HS3ST2: variants seen among roughly 807,000 people sequenced by gnomAD.
HS3ST2 encodes heparan sulfate-glucosamine 3-sulfotransferase 2.
A neutral mutation model predicts 26.3 loss-of-function variants in HS3ST2; 17 were observed. The ratio of observed to expected loss-of-function variants is 0.65; its 90% CI spans 0.44 to 0.97. HS3ST2 has a LOEUF of 0.97. Among genes scored for constraint, HS3ST2 ranks in the 50% least tolerant of loss-of-function variants. The pLI, the probability that HS3ST2 is intolerant of heterozygous loss-of-function variation, is 0.00. For synonymous variants in HS3ST2, 237 were observed against 219.2 expected (o/e 1.08, Z -0.72); for missense variants, 402 against 501.2 (o/e 0.80, Z 1.89).
Position 22,914,763 on chromosome 16 carries a change from A to AAAAAAAAG in HS3ST2, c.486-180_486-179insAAAAAAGA, listed in dbSNP as rs1489223344. 9.1e-3 allele frequency among the ~76,000 whole-genome samples: 1,084 copies of AAAAAAAAG among 118,758 alleles called. 109 individuals carry two copies. Among genetic ancestry groups the AAAAAAAAG allele is most frequent in the Middle Eastern group, 0.022 (5 of 230 alleles). 77.9% of individuals were successfully genotyped at this position (118,758 alleles called of 152,430 possible). A position where few individuals can be genotyped will look rare whatever the true frequency, so the allele number is the denominator to read the frequency against. On this transcript the variant is annotated intron_variant, in intron 1 of 1. Transcript: ENST00000261374. ...AAAAAAAAAAAAAAAAAAAAAAAAA[A>AAAAAAAAG]AGAGAAGAAAAGAAAATCAACAAGA...
In HS3ST2 at chr16:22,816,349, G is replaced by A. The variant is rs148193684; in HGVS notation, c.485+1254G>A. Reference sequence around the variant, plus strand: ...AGAGGTCATATGCATATTGGACAAGGGACAACTTTGTTAGAAAGAGGACCC... The same window carrying A: ...AGAGGTCATATGCATATTGGACAAGAGACAACTTTGTTAGAAAGAGGACCC... On this transcript the variant is annotated intron_variant, in intron 1 of 1. Coordinates refer to ENST00000261374, the MANE Select transcript of HS3ST2 (RefSeq NM_006043.2). Among the ~76,000 whole-genome samples, 671 of 152,286 alleles carry A rather than the reference G, an allele frequency of 4.4e-3. 7 individuals are homozygous for A. The highest frequency in any genetic ancestry group is 3.8e-3 in the Non-Finnish European group (259 of 68,036).
chr16:22,871,929 G>A (rs1901844890), intron 1 of HS3ST2, among the ~76,000 whole-genome samples: 1 of 152,208 alleles, frequency 6.6e-6, no homozygotes, highest in Non-Finnish European at 1.5e-5. Flanking sequence ...AACAGACTTG[G>A]AATAGCCCTG....
chr16:22,818,176 T>C (rs1900903419), intron 1 of HS3ST2, among the ~76,000 whole-genome samples: 1 of 152,176 alleles, frequency 6.6e-6, no homozygotes, highest in Non-Finnish European at 1.5e-5. Flanking sequence ...AGGTAAGAGC[T>C]GCAGGGTGGT....
At chr16:22,903,862 C>A (rs1208861991) in intron 1 of HS3ST2, among the ~76,000 whole-genome samples, 1 of 152,174 alleles carries the variant, frequency 6.6e-6, no homozygotes, top group African/African-American at 2.4e-5. Context: ...GACAGCATTA[C>A]CCTTTCTTCT....
chr16:22,828,147 G>A (rs1019933912), intron 1 of HS3ST2, among the ~76,000 whole-genome samples: 3 of 152,126 alleles, frequency 2.0e-5, no homozygotes, highest in African/African-American at 7.2e-5. Flanking sequence ...ACTAACCAAA[G>A]AAAAGAACAT....
At chr16:22,911,152 T>G (rs1353286610) in intron 1 of HS3ST2, among the ~76,000 whole-genome samples, 3 of 152,134 alleles carry the variant, frequency 2.0e-5, no homozygotes, top group African/African-American at 7.2e-5. Context: ...AAGGATATAT[T>G]TGTAAGTGAC....
At position 22,835,130 on chromosome 16, in the gene HS3ST2, A is replaced by G. The variant is rs1005996086; in HGVS notation, c.485+20035A>G. 4.0e-5 allele frequency among the ~76,000 whole-genome samples: 6 copies of G among 151,858 alleles called. No individual in the cohort carries two copies. The South Asian group carries it at 1.2e-3, about 32-fold the overall frequency. ...TTCAGTAAGAAAGTCTTAATTTTTT[A>G]TGTATTCGATTATCAACATATTTGA... On this transcript the variant is annotated intron_variant, in intron 1 of 1. Transcript: ENST00000261374.
At chr16:22,895,488 T>G (rs1301613240) in intron 1 of HS3ST2, among the ~76,000 whole-genome samples, 1 of 152,206 alleles carries the variant, frequency 6.6e-6, no homozygotes, top group Non-Finnish European at 1.5e-5. Context: ...TAGAATCCTA[T>G]CTCTAGCTTT....
chr16:22,895,437 C>A (rs1250855374), intron 1 of HS3ST2, among the ~76,000 whole-genome samples: 1 of 152,110 alleles, frequency 6.6e-6, no homozygotes, highest in South Asian at 2.1e-4. Context: ...TTCTACTTTC[C>A]GTGGAATTTC....
At chr16:22,857,999 AC>A (rs1412157467) in intron 1 of HS3ST2, among the ~76,000 whole-genome samples, 1 of 151,958 alleles carries the variant, frequency 6.6e-6, no homozygotes, top group Admixed American at 6.6e-5. Flanking sequence ...CACTTTACCA[AC>A]CTTCACTGAT....
intron 1 of HS3ST2, among the ~76,000 whole-genome samples, chr16:22,890,487 A>G (rs1902113445): frequency 6.6e-6 from 1 of 152,216 alleles, no homozygotes; most frequent in Non-Finnish European, 1.5e-5. Context: ...AAGAGATCCC[A>G]GTTATATACA....
chr16:22,880,874 G>A (rs756365059), intron 1 of HS3ST2, among the ~76,000 whole-genome samples: 1 of 152,328 alleles, frequency 6.6e-6, no homozygotes, highest in South Asian at 2.1e-4. Flanking sequence ...TCACCTGAAG[G>A]GAGAAATCTG....
At chr16:22,908,990 G>A (rs116728668) in intron 1 of HS3ST2, among the ~76,000 whole-genome samples, 2,760 of 152,258 alleles carry the variant, frequency 0.018, 85 homozygotes, top group African/African-American at 0.063. Flanking sequence ...CAGAAGAAAG[G>A]GGAAGAGCCA....
intron 1 of HS3ST2, among the ~76,000 whole-genome samples, chr16:22,820,813 A>G (rs181254544): frequency 6.6e-6 from 1 of 152,320 alleles, no homozygotes; most frequent in East Asian, 1.9e-4. Context: ...AGCTACACAC[A>G]TTGTTAAGCC....
chr16:22,913,742 T>G (rs1902455249), intron 1 of HS3ST2, among the ~76,000 whole-genome samples: 1 of 152,202 alleles, frequency 6.6e-6, no homozygotes, highest in Non-Finnish European at 1.5e-5. Context: ...GGCTTGTGCC[T>G]ATGGTCCCAG....
chr16:22,872,774 G>A (rs1259222395), intron 1 of HS3ST2, among the ~76,000 whole-genome samples: 1 of 152,142 alleles, frequency 6.6e-6, no homozygotes, highest in African/African-American at 2.4e-5. Context: ...CATCATCCCA[G>A]AGAACCCAAA....
At chr16:22,894,225 C>T (rs756864860) in intron 1 of HS3ST2, among the ~76,000 whole-genome samples, 3 of 152,214 alleles carry the variant, frequency 2.0e-5, no homozygotes, top group Non-Finnish European at 2.9e-5. Context: ...GGAGTAGCTA[C>T]ACTGCCTGCC....
intron 1 of HS3ST2, among the ~76,000 whole-genome samples, chr16:22,850,364 A>G (rs539988238): frequency 2.8e-4 from 43 of 152,348 alleles, no homozygotes; most frequent in Non-Finnish European, 5.4e-4. Context: ...AATACCTTAT[A>G]ATGGCATGCC....
chr16:22,834,335 C>G (rs568034311), intron 1 of HS3ST2, among the ~76,000 whole-genome samples: 2 of 152,270 alleles, frequency 1.3e-5, no homozygotes, highest in South Asian at 4.2e-4. Context: ...CCATTTTATA[C>G]TGCTATTCAT....
Sources: allele counts gnomAD v4.1 joint callset (sites outside exome capture counted in the v4.1 genomes callset), GRCh38; gene constraint gnomAD v4.1.1; transcripts MANE v1.5; gene names NCBI Gene and HGNC (gene_info 2026-07-23, HGNC 2026-07-21).